The following FANCA variants were observed in gnomAD, a reference collection of about 807,000 sequenced individuals.
FANCA encodes the protein FA complementation group A.
FANCA carries 236 observed loss-of-function variants against 194.3 expected under a neutral mutation model. The ratio of observed to expected loss-of-function variants is 1.21; its 90% confidence interval spans 1.09 to 1.35. The LOEUF (loss-of-function observed/expected upper bound fraction) is 1.35, where lower values mean the gene tolerates loss of function less well. Among genes scored for constraint, FANCA ranks in the 40% most tolerant of loss-of-function variants. The pLI is 0.00. For missense variants in FANCA, 2,628 were observed against 1,813.9 expected, an observed-to-expected ratio of 1.45 and a Z score of -8.15; for synonymous variants, 1,014 against 715.8, an observed-to-expected ratio of 1.42 and a Z score of -6.65.
rs868194799 is a variant in FANCA, at chr16:89,788,250, C to G, written c.1359+3153G>C. 4.6e-5 allele frequency among the ~76,000 whole-genome samples: 7 copies of G among 152,138 alleles called. No individual in the cohort carries two copies. The Middle Eastern group carries it at 0.014, about 296-fold the overall frequency. Reference sequence around the variant, plus strand: ...GGCTAAGTGGGGCGGATGACAAACTCAAGAGATCGAGACCATCCTGGCCAA... The same window carrying G: ...GGCTAAGTGGGGCGGATGACAAACTGAAGAGATCGAGACCATCCTGGCCAA... On this transcript the variant is annotated intron_variant, in intron 14 of 42. Transcript: ENST00000389301.
chr16:89,751,273 G>A (rs1383955266), intron 31 of FANCA, among the ~76,000 whole-genome samples: 3 of 152,064 alleles, frequency 2.0e-5, no homozygotes, highest in Non-Finnish European at 4.4e-5. Context: ...ACCGAGATGG[G>A]TGGTTCACTT....
chr16:89,740,886 CTTA>C lies in FANCA; in HGVS notation c.3766-23_3766-21del, dbSNP rs774335079. ...CAATAGCTGTAAATAAAAACGTGCA[CTTA>C]TTATTACATTAAAATTACCTGTGCT... On this transcript the variant is annotated intron_variant, in intron 37 of 42. Coordinates refer to ENST00000389301, the MANE Select transcript of FANCA (RefSeq NM_000135.4). The C allele has an allele frequency of 2.0e-5, 32 of 1,595,566 alleles. No homozygotes were observed. The highest frequency in any genetic ancestry group is 4.0e-5 in the African/African-American group (3 of 74,410).
At chr16:89,751,605 G>A (rs1027238103) in intron 31 of FANCA, among the ~76,000 whole-genome samples, 1 of 152,218 alleles carries the variant, frequency 6.6e-6, no homozygotes, top group African/African-American at 2.4e-5. Flanking sequence ...GGAGAGACAG[G>A]GGCCTGGCAC....
intron 31 of FANCA, among the ~76,000 whole-genome samples, chr16:89,751,672 C>T (rs561537435): frequency 1.4e-3 from 217 of 152,184 alleles, no homozygotes; most frequent in Non-Finnish European, 1.7e-3. Context: ...AGTGAACCCA[C>T]ACAGGTACAT....
At chr16:89,761,903 G>T in intron 29 of FANCA, 46 bp downstream of exon 29, 2 of 1,466,140 alleles carry the variant, frequency 1.4e-6, no homozygotes, top group Non-Finnish European at 1.9e-6. Context: ...GGGATTATAG[G>T]TGTGAGCCAT....
At chr16:89,762,715 C>A in intron 28 of FANCA, 1 of 447,248 alleles carries the variant, frequency 2.2e-6, no homozygotes, top group Admixed American at 2.4e-5. Context: ...TCGCTGCAGA[C>A]TCTGCCTCCT....
intron 4 of FANCA, 38 bp from the exon 5 acceptor site, chr16:89,810,840 C>A (rs778921750): frequency 1.2e-6 from 2 of 1,612,236 alleles, no homozygotes; most frequent in South Asian, 2.2e-5. Context: ...AAACAAATTA[C>A]CTGAAACAAT....
chr16:89,740,754 G>A (rs1239690416), intron 38 of FANCA, 50 bp downstream of exon 38: 4 of 1,539,556 alleles, frequency 2.6e-6, no homozygotes, highest in African/African-American at 2.7e-5. Flanking sequence ...TGGTGCCCCT[G>A]CCTGGCCCAC....
At chr16:89,740,768 G>C in intron 38 of FANCA, 36 bp downstream of exon 38, 1 of 1,597,292 alleles carries the variant, frequency 6.3e-7, no homozygotes, top group South Asian at 1.1e-5. Flanking sequence ...GGCCCACAGT[G>C]GGAGAGGACA....
At position 89,739,132 on chromosome 16, in the gene FANCA, C is replaced by CCTGA; in HGVS notation, c.4164_4167dup (p.Gly1390SerfsTer36). ...GAGGTGGGACTGGCCCTTGCACCTG[C>CCTGA]CTGACCCTTGAGCTCCAGGCTCCTG... is the stretch of plus-strand genomic sequence containing the variant. On this transcript the variant is annotated frameshift_variant and splice_region_variant. Transcript: ENST00000389301. LOFTEE classifies it high-confidence loss of function. 2 of 1,614,138 alleles carry CCTGA rather than the reference C, an allele frequency of 1.2e-6. No homozygotes were observed. The highest frequency in any genetic ancestry group is 1.7e-6 in the Non-Finnish European group (2 of 1,180,028).
intron 5 of FANCA, among the ~76,000 whole-genome samples, chr16:89,809,535 G>A (rs1256298050): frequency 6.6e-6 from 1 of 151,998 alleles, no homozygotes; most frequent in African/African-American, 2.4e-5. Flanking sequence ...CCAACATGGT[G>A]AAACCTCATC....
chr16:89,753,349 C>A (rs1174617564), intron 30 of FANCA, among the ~76,000 whole-genome samples: 1 of 152,188 alleles, frequency 6.6e-6, no homozygotes, highest in African/African-American at 2.4e-5. Context: ...TAGTGGTCCC[C>A]CGGGCCCAGC....
rs17233448 is a variant in FANCA at position 89,750,016 on chromosome 16, G to T, written c.3067-114C>A. 0.068 allele frequency: 69,602 copies of T among 1,027,830 alleles called. 2,924 individuals carry two copies. The highest frequency in any genetic ancestry group is 0.16 in the East Asian group (6,444 of 41,090). The allele number at this position is 1,027,830 out of a possible 1,614,324, so 63.7% of individuals were successfully genotyped here. On this transcript the variant is annotated intron_variant, in intron 31 of 42. Transcript: ENST00000389301. ...GTCTCCACAGTGGACAGGGCAAGAA[G>T]GAACAAGTGGGGCAAGCTATTTCAA...
rs1427664555 is a variant in FANCA at position 89,773,287 on chromosome 16, G to A, written c.1998C>T (p.Asp666=). Residue 666 remains aspartate, a synonymous_variant, in exon 22 of 43, where the codon GAC becomes GAT. Transcript: ENST00000389301. ...ALGELRASMT[D]PSQRDVISAQ... ...CATCCTCACCATCACGCTGGCTGGG[G>A]TCTGTCATGGAGGCTCTCAGCTCTC... The A allele has an allele frequency of 1.3e-6, 2 of 1,551,020 alleles. No individual in the cohort carries two copies. The highest frequency in any genetic ancestry group is 1.2e-5 in the South Asian group (1 of 84,052).
At chr16:89,787,869 TA>T (rs562178247) in intron 14 of FANCA, among the ~76,000 whole-genome samples, 23 of 148,274 alleles carry the variant, frequency 1.6e-4, no homozygotes, top group Non-Finnish European at 1.8e-4. Context: ...TTCCTAAAAG[TA>T]AAAAAAAAAA....
At chr16:89,796,436 G>A (rs950965077) in intron 10 of FANCA, among the ~76,000 whole-genome samples, 6 of 152,178 alleles carry the variant, frequency 3.9e-5, no homozygotes, top group Admixed American at 3.3e-4. Context: ...TGAGAGAAGA[G>A]CCCAGCACAC....
At chr16:89,772,949 A>G (rs998070021) in intron 22 of FANCA, among the ~76,000 whole-genome samples, 1 of 152,220 alleles carries the variant, frequency 6.6e-6, no homozygotes, top group East Asian at 1.9e-4. Flanking sequence ...CTGATGTGAC[A>G]TCGACTCCGG....
At chr16:89,790,017 A>G (rs1047487441) in intron 14 of FANCA, among the ~76,000 whole-genome samples, 1 of 152,206 alleles carries the variant, frequency 6.6e-6, no homozygotes, top group Non-Finnish European at 1.5e-5. Context: ...AACTTCTGTC[A>G]GAGAGCACAC....
At chr16:89,782,203 G>A (rs1029651209) in intron 17 of FANCA, among the ~76,000 whole-genome samples, 4 of 147,736 alleles carry the variant, frequency 2.7e-5, no homozygotes, top group African/African-American at 7.5e-5. Context: ...GTGAAACCTC[G>A]TCTCTACTAA....
Sources: allele counts gnomAD v4.1 joint callset (sites outside exome capture counted in the v4.1 genomes callset), GRCh38; gene constraint gnomAD v4.1.1; transcripts MANE v1.5; gene names NCBI Gene and HGNC (gene_info 2026-07-23, HGNC 2026-07-21).